The following ALX1 variants were observed in gnomAD, a reference collection of about 807,000 sequenced individuals.
The protein encoded by ALX1 is ALX homeobox 1, also known as ALX homeobox protein 1.
Under a neutral mutation model 31.7 loss-of-function variants are expected in ALX1, and 19 were observed. The ratio of observed to expected loss-of-function variants is 0.60; its 90% confidence interval spans 0.42 to 0.88. The LOEUF (loss-of-function observed/expected upper bound fraction) is 0.88, where lower values mean the gene tolerates loss of function less well. Among genes scored for constraint, ALX1 ranks in the 40% least tolerant of loss-of-function variants. ALX1 has a pLI of 0.00. For synonymous variants in ALX1, 153 were observed against 148.8 expected (o/e 1.03, Z -0.20); for missense variants, 415 against 407.8 (o/e 1.02, Z -0.15).
At chr12:85,282,941 G>T (rs1323197207) in intron 1 of ALX1, among the ~76,000 whole-genome samples, 1 of 151,792 alleles carries the variant, frequency 6.6e-6, no homozygotes, top group Non-Finnish European at 1.5e-5. Flanking sequence ...GATAGAAAGC[G>T]TATTCAAAAT....
chr12:85,287,469 T>C (rs1254066679), intron 3 of ALX1, among the ~76,000 whole-genome samples: 2 of 150,722 alleles, frequency 1.3e-5, no homozygotes, highest in African/African-American at 4.9e-5. Flanking sequence ...TTTTTTTCAG[T>C]TTTCAAATTG....
At chr12:85,294,940 T>G (rs979326350) in intron 3 of ALX1, among the ~76,000 whole-genome samples, 1 of 151,270 alleles carries the variant, frequency 6.6e-6, no homozygotes, top group African/African-American at 2.4e-5. Context: ...ATAATATATA[T>G]TGGAAAAGTA....
chr12:85,294,466 G>A (rs1896859613), intron 3 of ALX1, among the ~76,000 whole-genome samples: 1 of 151,012 alleles, frequency 6.6e-6, no homozygotes, highest in Non-Finnish European at 1.5e-5. Context: ...TCATTTTAAA[G>A]CAATCGTGAG....
In ALX1 at chr12:85,280,327, G is replaced by A. The variant is rs1427573821; in HGVS notation, c.66G>A (p.Met22Ile). Residue 22 changes from methionine to isoleucine, a missense_variant, in exon 1 of 4, where the codon ATG (methionine) becomes ATA (isoleucine). By Grantham distance (10) the Met-to-Ile change is conservative. Around this residue, in one of 3 missense-constraint regions of ALX1, gnomAD observed 235 missense variants for 208.9 expected, o/e 1.13. Transcript: ENST00000316824. ...SPPSKNSDFYMGAGGPLEHVM... is the reference protein window; with the variant it reads ...SPPSKNSDFYIGAGGPLEHVM... Reference sequence around the variant, plus strand: ...CGAGTAAAAACAGTGACTTTTACATGGGCGCAGGAGGTCCTCTGGAGCACG... The same window carrying A: ...CGAGTAAAAACAGTGACTTTTACATAGGCGCAGGAGGTCCTCTGGAGCACG... 13 of 1,613,854 alleles carry A rather than the reference G, an allele frequency of 8.1e-6. No individual in the cohort carries two copies. The highest frequency in any genetic ancestry group is 1.1e-5 in the Non-Finnish European group (13 of 1,180,034).
At chr12:85,297,464 G>T (rs1461253137) in intron 3 of ALX1, among the ~76,000 whole-genome samples, 1 of 151,644 alleles carries the variant, frequency 6.6e-6, no homozygotes. Flanking sequence ...TTACATGTAA[G>T]AAAGATGATC....
At chr12:85,299,628 C>T (rs558327704) in intron 3 of ALX1, among the ~76,000 whole-genome samples, 3 of 151,870 alleles carry the variant, frequency 2.0e-5, no homozygotes, top group South Asian at 4.1e-4. Flanking sequence ...TGAAACCCCA[C>T]CTAAAGGTTG....
intron 2 of ALX1, among the ~76,000 whole-genome samples, chr12:85,284,906 C>A (rs1896728890): frequency 6.6e-6 from 1 of 151,896 alleles, no homozygotes; most frequent in East Asian, 1.9e-4. Flanking sequence ...AACGGTATTT[C>A]TTCTTAAAAT....
chr12:85,297,523 T>G (rs1387575992), intron 3 of ALX1, among the ~76,000 whole-genome samples: 1 of 151,520 alleles, frequency 6.6e-6, no homozygotes, highest in Admixed American at 6.6e-5. Flanking sequence ...TAGGTAGAGG[T>G]AGAGGAATAT....
At chr12:85,284,483 TATA>T (rs1436646920) in intron 2 of ALX1, among the ~76,000 whole-genome samples, 1 of 152,084 alleles carries the variant, frequency 6.6e-6, no homozygotes. Context: ...AATATTCCAT[TATA>T]ATGGTTAAAG....
chr12:85,298,676 A>T (rs1896921155), intron 3 of ALX1, among the ~76,000 whole-genome samples: 1 of 151,770 alleles, frequency 6.6e-6, no homozygotes, highest in African/African-American at 2.4e-5. Context: ...AATAAATGAC[A>T]ATCTTCAAAA....
intron 3 of ALX1, among the ~76,000 whole-genome samples, chr12:85,300,083 C>T (rs1295305428): frequency 3.3e-5 from 5 of 151,932 alleles, no homozygotes; most frequent in African/African-American, 4.8e-5. Context: ...TTACCTTCCC[C>T]AGCTCCTGCC....
In ALX1 at chr12:85,283,652, C is replaced by G; in HGVS notation, c.307C>G (p.Arg103Gly). Residue 103 changes from arginine (R) to glycine (G), a missense_variant, in exon 2 of 4, where the codon CGA becomes GGA. By Grantham distance (125) the Arg-to-Gly change is moderately radical. Around this residue, in one of 3 missense-constraint regions of ALX1, gnomAD observed 235 missense variants for 208.9 expected, o/e 1.13. Coordinates refer to ENST00000316824, the MANE Select transcript of ALX1 (RefSeq NM_006982.3). Reference sequence around the variant, plus strand: ...AGCTATGGACAACTGTAACAGTCTCCGAATGTCTCCCGTGAAAGGGATGCA... The same window carrying G: ...AGCTATGGACAACTGTAACAGTCTCGGAATGTCTCCCGTGAAAGGGATGCA... ...NRAMDNCNSL[R>G]MSPVKGMQEK... is the part of the protein sequence containing the mutation. The G allele has an allele frequency of 6.2e-7, 1 of 1,614,028 alleles. No homozygotes were observed. The highest frequency in any genetic ancestry group is 2.2e-5 in the East Asian group (1 of 44,876).
At chr12:85,300,319 A>G (rs1385018368) in intron 3 of ALX1, among the ~76,000 whole-genome samples, 1 of 152,038 alleles carries the variant, frequency 6.6e-6, no homozygotes, top group Non-Finnish European at 1.5e-5. Context: ...AAGTGTGAAT[A>G]TCTCGGGTGT....
chr12:85,293,053 T>C (rs1424364107), intron 3 of ALX1, among the ~76,000 whole-genome samples: 1 of 150,748 alleles, frequency 6.6e-6, no homozygotes, highest in African/African-American at 2.4e-5. Context: ...TTGTATGACT[T>C]ATGACCAAAA....
intron 2 of ALX1, among the ~76,000 whole-genome samples, chr12:85,284,863 T>C (rs1165196122): frequency 6.6e-6 from 1 of 152,052 alleles, no homozygotes; most frequent in Non-Finnish European, 1.5e-5. Context: ...GGGGAATGAA[T>C]AAAATAGTGA....
intron 1 of ALX1, 48 bp downstream of exon 1, chr12:85,280,535 C>A (rs970386725): frequency 2.5e-6 from 4 of 1,582,856 alleles, no homozygotes; most frequent in Non-Finnish European, 3.4e-6. Context: ...CTTCCGCAAT[C>A]GAAAATGCAG....
intron 2 of ALX1, among the ~76,000 whole-genome samples, 200 bp downstream of exon 2, chr12:85,284,076 C>G (rs1896716579): frequency 6.6e-6 from 1 of 151,788 alleles, no homozygotes; most frequent in African/African-American, 2.4e-5. Flanking sequence ...ATATGTAAAA[C>G]AAAAGAACAC....
intron 3 of ALX1, among the ~76,000 whole-genome samples, chr12:85,292,541 A>G (rs1159636784): frequency 6.6e-6 from 1 of 151,176 alleles, no homozygotes; most frequent in Non-Finnish European, 1.5e-5. Context: ...GAACACGCCA[A>G]GAGGTAGATT....
At chr12:85,290,057 A>G (rs1896798809) in intron 3 of ALX1, among the ~76,000 whole-genome samples, 1 of 151,250 alleles carries the variant, frequency 6.6e-6, no homozygotes, top group South Asian at 2.1e-4. Context: ...ATTTGGCAGA[A>G]AGAAAAGCCA....
Sources: allele counts gnomAD v4.1 joint callset (sites outside exome capture counted in the v4.1 genomes callset), GRCh38; gene constraint gnomAD v4.1.1; regional missense constraint gnomAD v4.1.1; transcripts MANE v1.5; gene names NCBI Gene and HGNC (gene_info 2026-07-23, HGNC 2026-07-21).